USP42: variants seen among roughly 807,000 people sequenced by gnomAD.
USP42 encodes the protein ubiquitin specific peptidase 42.
A neutral mutation model predicts 113.0 loss-of-function variants in USP42; 23 were observed. The observed-to-expected ratio is 0.20, with a 90% CI of 0.15 to 0.29. USP42 has a LOEUF of 0.29. Among genes scored for constraint, USP42 ranks in the 10% least tolerant of loss-of-function variants. The pLI is 1.00. For missense variants in USP42, 2,174 were observed against 1,779.8 expected, an observed-to-expected ratio of 1.22 and a Z score of -3.99; for synonymous variants, 933 against 699.0, an observed-to-expected ratio of 1.33 and a Z score of -5.28.
In USP42 at chr7:6,159,900, G is replaced by A. The variant is rs1000131064; in HGVS notation, c.*36+407G>A. On this transcript the variant is annotated intron_variant, in intron 17 of 17. Coordinates refer to ENST00000306177, the MANE Select transcript of USP42 (RefSeq NM_032172.3). This position sits in a 1 kb window ranked among gnomAD's most constrained non-coding sequence, Gnocchi z 4.1. Reference sequence around the variant, plus strand: ...GGAGCCTTGCTCCCTCGTCCGTCCCGTCCCCTGTGCTGCTGTCTGCGCCCC... The same window carrying A: ...GGAGCCTTGCTCCCTCGTCCGTCCCATCCCCTGTGCTGCTGTCTGCGCCCC... Among the ~76,000 whole-genome samples, 31 of 152,304 alleles carry A rather than the reference G, an allele frequency of 2.0e-4. No homozygotes were observed. Among genetic ancestry groups the A allele is most frequent in the African/African-American group, 6.3e-4 (26 of 41,570 alleles).
At chr7:6,114,670 ATATATATATTTTTTTTTT>A (rs1342515131) in intron 2 of USP42, among the ~76,000 whole-genome samples, 1 of 39,702 alleles carries the variant, frequency 2.5e-5, no homozygotes. Flanking sequence ...ATATATATAT[ATATATATATTTTTTTTTT>A]TTTTTTTTTT....
chr7:6,082,564 G>A, the USP42 span, among the ~76,000 whole-genome samples: 3 of 149,164 alleles, frequency 2.0e-5, no homozygotes, highest in African/African-American at 7.6e-5. Context: ...ACCAGCCAGG[G>A]CAACATAAGG....
At chr7:6,105,395 C>G (rs890558277) in intron 1 of USP42, among the ~76,000 whole-genome samples, 4 of 149,274 alleles carry the variant, frequency 2.7e-5, no homozygotes, top group African/African-American at 7.3e-5. Context: ...GCCGGGCAGG[C>G]AGGCGGGAGG....
intron 3 of USP42, among the ~76,000 whole-genome samples, chr7:6,128,623 C>T (rs1208545721): frequency 6.6e-6 from 1 of 151,986 alleles, no homozygotes; most frequent in Non-Finnish European, 1.5e-5. Context: ...GTGTCCTTCA[C>T]CCTCATTTAT....
intron 4 of USP42, among the ~76,000 whole-genome samples, chr7:6,136,972 C>CTT (rs946545023): frequency 4.6e-5 from 7 of 152,076 alleles, no homozygotes; most frequent in South Asian, 2.1e-4. Flanking sequence ...ATACTCAGAG[C>CTT]TTAGCAAATT....
rs975055320 is a variant in USP42 at position 6,154,289 on chromosome 7, C to G, written c.2735C>G (p.Pro912Arg). The change falls in exon 15 of 18, where the codon CCG becomes CGG. Residue 912 changes from proline (P) to arginine (R), a missense_variant. Physicochemically the swap from Pro to Arg is moderately radical, Grantham distance 103. Coordinates refer to ENST00000306177, the MANE Select transcript of USP42 (RefSeq NM_032172.3). The stretch of plus-strand genomic sequence containing the variant: ...CTGGACATGGCCCCGGCCGGTCACC[C>G]GGAAGGGGACGCTGAGCCTAGCCCC... ...PVLDMAPAGH[P>R]EGDAEPSPGE... 2 of 1,588,600 alleles carry G rather than the reference C, an allele frequency of 1.3e-6. No individual in the cohort carries two copies. Among genetic ancestry groups the G allele is most frequent in the Non-Finnish European group, 8.6e-7 (1 of 1,168,492 alleles).
At chr7:6,140,078 T>A (rs771091597) in intron 5 of USP42, 50 bp from the exon 6 acceptor site, 77 of 1,519,928 alleles carry the variant, frequency 5.1e-5, no homozygotes, top group Admixed American at 4.0e-4. Flanking sequence ...TCACAGCATC[T>A]GGAGTTTTTG....
At chr7:6,089,991 A>T in the USP42 span, among the ~76,000 whole-genome samples, 1 of 149,386 alleles carries the variant, frequency 6.7e-6, no homozygotes, top group Non-Finnish European at 1.5e-5. Context: ...ACAGAGCAAG[A>T]CTCTGTCTCA....
intron 4 of USP42, 49 bp downstream of exon 4, chr7:6,136,000 T>TA: frequency 2.5e-4 from 258 of 1,031,114 alleles, no homozygotes; most frequent in Non-Finnish European, 3.2e-4. Context: ...TACCTAGTTA[T>TA]ACTTTTTTTT....
chr7:6,149,896 C>T lies in USP42; in HGVS notation c.1700C>T (p.Ser567Leu), dbSNP rs751480444. 8 of 1,614,044 alleles carry T rather than the reference C, an allele frequency of 5.0e-6. No individual in the cohort carries two copies. The highest frequency in any genetic ancestry group is 2.2e-5 in the East Asian group (1 of 44,890). Reference sequence around the variant, plus strand: ...ACCAATTCTGCAGTACAGTCTACCTCGAACGCATCTACGATGTCAGTTTCT... The same window carrying T: ...ACCAATTCTGCAGTACAGTCTACCTTGAACGCATCTACGATGTCAGTTTCT... ...TITNSAVQST[S>L]NASTMSVSSK... is the part of the protein sequence containing the mutation. Residue 567 changes from serine to leucine, a missense_variant, in exon 13 of 18, where the codon TCG becomes TTG. Ser to Leu is a moderately radical substitution (Grantham distance 145). Coordinates refer to ENST00000306177, the MANE Select transcript of USP42 (RefSeq NM_032172.3).
chr7:6,085,819 T>TA, the USP42 span, among the ~76,000 whole-genome samples: 8 of 150,450 alleles, frequency 5.3e-5, no homozygotes, highest in African/African-American at 2.0e-4. Flanking sequence ...CTCACCATGT[T>TA]GGCCAGGCTG....
the USP42 span, among the ~76,000 whole-genome samples, chr7:6,082,938 C>CAT: frequency 2.5e-3 from 358 of 144,484 alleles, 2 homozygotes; most frequent in Non-Finnish European, 3.8e-3. Flanking sequence ...TATATAGATA[C>CAT]ATATATATAT....
intron 1 of USP42, 95 bp from the exon 2 acceptor site, chr7:6,111,030 A>G: frequency 7.6e-7 from 1 of 1,316,114 alleles, no homozygotes; most frequent in Non-Finnish European, 1.0e-6. Flanking sequence ...AATCACTTTA[A>G]AATGGCTGGA....
At position 6,157,067 on chromosome 7, in the gene USP42, T is replaced by C; in HGVS notation, c.3943+12T>C. 6.4e-7 allele frequency: 1 copy of C among 1,566,756 alleles called. No individual in the cohort carries two copies. Among genetic ancestry groups the C allele is most frequent in the Non-Finnish European group, 8.6e-7 (1 of 1,160,492 alleles). On this transcript the variant is annotated intron_variant, in intron 16 of 17. Coordinates refer to ENST00000306177, the MANE Select transcript of USP42 (RefSeq NM_032172.3). The surrounding 1 kb of genome is among the most constrained non-coding windows in gnomAD (Gnocchi z 4.1). ...TGAGTATGGCCAGGGTAAGAGGAGA[T>C]ACTTGGAATTAGGAAGATAGAAACT...
intron 3 of USP42, among the ~76,000 whole-genome samples, chr7:6,117,591 G>A (rs923654614): frequency 1.3e-5 from 2 of 152,186 alleles, no homozygotes; most frequent in East Asian, 3.8e-4. Flanking sequence ...TGGGGTGGGT[G>A]TGTACTTTAA....
intron 7 of USP42, 49 bp from the exon 8 acceptor site, chr7:6,142,883 C>G: frequency 2.5e-6 from 4 of 1,593,518 alleles, no homozygotes; most frequent in Non-Finnish European, 2.6e-6. Flanking sequence ...GACCCAAACA[C>G]AAGTGACGGT....
the USP42 span, among the ~76,000 whole-genome samples, chr7:6,083,425 T>G: frequency 1.3e-5 from 2 of 149,702 alleles, no homozygotes; most frequent in East Asian, 3.9e-4. Flanking sequence ...CCAGCTAATT[T>G]TTGTATTTTT....
chr7:6,109,821 C>T (rs1264755387), intron 1 of USP42, among the ~76,000 whole-genome samples: 1 of 151,780 alleles, frequency 6.6e-6, no homozygotes, highest in Non-Finnish European at 1.5e-5. Context: ...CTGACTCAGC[C>T]TCCCAAGTAG....
rs181916807 is a variant in USP42, at chr7:6,132,759, C to T, written c.443-3082C>T. ...AGATCTCGGCTCACTGCAACCTCCG[C>T]CTCCCGGGTTCACGCCATTCTCCTG... is the stretch of plus-strand genomic sequence containing the variant. On this transcript the variant is annotated intron_variant, in intron 3 of 17. Coordinates refer to ENST00000306177, the MANE Select transcript of USP42 (RefSeq NM_032172.3). 1.1e-4 allele frequency among the ~76,000 whole-genome samples: 16 copies of T among 152,010 alleles called. No homozygotes were observed. In the East Asian group the frequency reaches 2.9e-3, roughly 28 times the overall value.
Sources: gnomAD v4.1 joint callset for allele counts (sites outside exome capture counted in the v4.1 genomes callset) on GRCh38, gnomAD v4.1.1 for gene constraint, Gnocchi (gnomAD v3.1) non-coding constraint, MANE v1.5 for transcripts, NCBI Gene and HGNC (gene_info 2026-07-23, HGNC 2026-07-21) for gene names.